The following TULP4 variants were observed in gnomAD, a reference collection of about 807,000 sequenced individuals.
TULP4 encodes TUB like protein 4.
A neutral mutation model predicts 129.0 loss-of-function variants in TULP4; 16 were observed. The ratio of observed to expected loss-of-function variants is 0.12; its 90% confidence interval spans 0.08 to 0.19. The LOEUF is 0.19. TULP4 is among the 10% of genes least tolerant of loss of function. The probability of loss-of-function intolerance (pLI) is 1.00; values close to 1 mark genes in which losing one functional copy is unlikely to be tolerated. For missense variants in TULP4, 1,842 were observed against 2,059.1 expected, an observed-to-expected ratio of 0.89 and a Z score of 2.04; for synonymous variants, 998 against 854.0, an observed-to-expected ratio of 1.17 and a Z score of -2.94.
intron 7 of TULP4, 147 bp from the exon 8 acceptor site, chr6:158,480,908 A>T (rs1279818520): frequency 1.5e-6 from 1 of 648,594 alleles, no homozygotes; most frequent in Non-Finnish European, 2.6e-6. Flanking sequence ...TCTACACCAC[A>T]TAGTTACCCT....
intron 1 of TULP4, among the ~76,000 whole-genome samples, chr6:158,234,535 C>T (rs983849115): frequency 3.8e-4 from 58 of 152,214 alleles, no homozygotes; most frequent in African/African-American, 1.4e-3. Flanking sequence ...CTGTTCTACT[C>T]ATTTGCAACA....
At chr6:158,280,203 T>C (rs971979416), upstream of TULP4, among the ~76,000 whole-genome samples, 1 of 152,224 alleles carries the variant, frequency 6.6e-6, no homozygotes, top group African/African-American at 2.4e-5. Flanking sequence ...GCAAGACCAG[T>C]GTAATATGAA....
intron 1 of TULP4, among the ~76,000 whole-genome samples, chr6:158,337,390 C>G (rs1780069046): frequency 6.6e-6 from 1 of 152,110 alleles, no homozygotes; most frequent in African/African-American, 2.4e-5. Context: ...CTTGGCCTCT[C>G]AAAGTGCTGG....
chr6:158,329,581 G>A (rs1293207061), intron 1 of TULP4, among the ~76,000 whole-genome samples: 1 of 152,112 alleles, frequency 6.6e-6, no homozygotes, highest in Admixed American at 6.5e-5. Context: ...AAGGCAGTAT[G>A]AGTTAATGTT....
intron 3 of TULP4, among the ~76,000 whole-genome samples, chr6:158,432,647 G>T (rs528008267): frequency 1.3e-4 from 20 of 152,302 alleles, no homozygotes; most frequent in Non-Finnish European, 2.5e-4. Context: ...TGGATCATGA[G>T]GTCAGGAGAT....
intron 1 of TULP4, among the ~76,000 whole-genome samples, chr6:158,239,377 T>C (rs1253389959): frequency 3.8e-5 from 2 of 52,096 alleles, no homozygotes; most frequent in African/African-American, 5.9e-5. Context: ...ACCCCCCACC[T>C]CCCTCCCGGA....
At chr6:158,477,908 A>G (rs982964796) in intron 6 of TULP4, among the ~76,000 whole-genome samples, 1 of 152,262 alleles carries the variant, frequency 6.6e-6, no homozygotes, top group African/African-American at 2.4e-5. Context: ...CATAAACACC[A>G]TGGAATACTA....
intron 1 of TULP4, among the ~76,000 whole-genome samples, chr6:158,247,525 A>G (rs1428268169): frequency 1.3e-5 from 2 of 152,210 alleles, no homozygotes; most frequent in South Asian, 2.1e-4. Context: ...TTTTCATCCT[A>G]CTGGATGTTT....
chr6:158,503,456 T>C lies in TULP4; in HGVS notation c.3793T>C (p.Ser1265Pro), dbSNP rs759047000. 1 of 1,613,920 alleles carries C rather than the reference T, an allele frequency of 6.2e-7. No individual in the cohort carries two copies. The highest frequency in any genetic ancestry group is 8.5e-7 in the Non-Finnish European group (1 of 1,179,990). The change falls in exon 13 of 14, where the codon TCC (serine) becomes CCC (proline). Residue 1265 changes from serine (S) to proline (P), a missense_variant. Transcript: ENST00000367097. The surrounding 1 kb of genome is among the most constrained non-coding windows in gnomAD (Gnocchi z 4.3). Reference sequence around the variant, plus strand: ...ACCTGTCGCCTTGCATCCATGGAGTTCCTACAGCGCCTGCCCGCCCATGCA... The same window carrying C: ...ACCTGTCGCCTTGCATCCATGGAGTCCCTACAGCGCCTGCCCGCCCATGCA... Reference protein sequence around the residue: ...LPPVALHPWSSYSACPPMQNP... With the variant: ...LPPVALHPWSPYSACPPMQNP...
At chr6:158,426,907 T>C (rs1391049636) in intron 2 of TULP4, among the ~76,000 whole-genome samples, 1 of 152,218 alleles carries the variant, frequency 6.6e-6, no homozygotes, top group Non-Finnish European at 1.5e-5. Context: ...GAGCAGTGTT[T>C]TGTAGTTCTC....
intron 1 of TULP4, among the ~76,000 whole-genome samples, chr6:158,319,589 T>A (rs1779577664): frequency 6.6e-6 from 1 of 152,086 alleles, no homozygotes; most frequent in Non-Finnish European, 1.5e-5. Context: ...ACAACTGAAT[T>A]AAAAAGGAAA....
chr6:158,476,642 C>T (rs1303107458), intron 6 of TULP4, among the ~76,000 whole-genome samples: 1 of 152,182 alleles, frequency 6.6e-6, no homozygotes, highest in Non-Finnish European at 1.5e-5. Context: ...ATGAACCCCG[C>T]AGATCATTTA....
Position 158,507,056 on chromosome 6 carries a change from G to T in TULP4, c.*362G>T, listed in dbSNP as rs538429838. Reference sequence around the variant, plus strand: ...CTGCTATTCTTTTAGACATAGGGAGGATGCATTATCCTGTATTCTCCTCCA... The same window carrying T: ...CTGCTATTCTTTTAGACATAGGGAGTATGCATTATCCTGTATTCTCCTCCA... On this transcript the variant is annotated 3_prime_UTR_variant, in exon 14 of 14. Coordinates refer to ENST00000367097, the MANE Select transcript of TULP4 (RefSeq NM_020245.5). The T allele has an allele frequency of 2.2e-5, 5 of 225,848 alleles. No homozygotes were observed. The Admixed American group carries it at 2.6e-4, about 12-fold the overall frequency. 14.0% of individuals were successfully genotyped at this position (225,848 alleles called of 1,614,324 possible). A position where few individuals can be genotyped will look rare whatever the true frequency, so the allele number is the denominator to read the frequency against.
At chr6:158,501,639 T>C in intron 12 of TULP4, 39 bp from the exon 13 acceptor site, 1 of 1,576,982 alleles carries the variant, frequency 6.3e-7, no homozygotes, top group Non-Finnish European at 8.7e-7. Flanking sequence ...TTAATGGCAG[T>C]GTTTTTGTAA....
chr6:158,314,132 G>A lies in TULP4; in HGVS notation c.116G>A (p.Arg39His). Reference protein sequence around the residue: ...SEKEKPVCRRRYYEEGWLATG... With the variant: ...SEKEKPVCRRHYYEEGWLATG... ...AAGGAGAAGCCTGTGTGCAGGAGAC[G>A]CTACTATGAGGAAGGCTGGCTGGCC... is the stretch of plus-strand genomic sequence containing the variant. The change falls in exon 1 of 14, where the codon CGC (arginine) becomes CAC (histidine). Residue 39 changes from arginine (R) to histidine (H), a missense_variant. By Grantham distance (29) the Arg-to-His change is conservative. This residue lies in a region of TULP4 where 151 missense variants were observed against 268.7 expected (regional missense o/e 0.56). Coordinates refer to ENST00000367097, the MANE Select transcript of TULP4 (RefSeq NM_020245.5). 3 of 1,614,204 alleles carry A rather than the reference G, an allele frequency of 1.9e-6. No homozygotes were observed. Among genetic ancestry groups the A allele is most frequent in the Non-Finnish European group, 2.5e-6 (3 of 1,180,040 alleles).
At chr6:158,362,897 T>TA (rs938796849) in intron 1 of TULP4, among the ~76,000 whole-genome samples, 1 of 151,420 alleles carries the variant, frequency 6.6e-6, no homozygotes, top group Non-Finnish European at 1.5e-5. Context: ...CCATCTCTAC[T>TA]AAAAAAATAC....
At chr6:158,382,317 G>T (rs1489283782) in intron 1 of TULP4, among the ~76,000 whole-genome samples, 2 of 152,110 alleles carry the variant, frequency 1.3e-5, no homozygotes, top group African/African-American at 4.8e-5. Context: ...TTACCTCCTT[G>T]AGAAGTAGAG....
chr6:158,420,969 C>T (rs944704225), intron 2 of TULP4, among the ~76,000 whole-genome samples: 3 of 152,198 alleles, frequency 2.0e-5, no homozygotes, highest in African/African-American at 7.2e-5. Flanking sequence ...TGACACAGCC[C>T]TCAGGAAGTC....
intron 1 of TULP4, among the ~76,000 whole-genome samples, chr6:158,251,426 A>G (rs1562494761): frequency 1.3e-5 from 2 of 151,904 alleles, no homozygotes; most frequent in Non-Finnish European, 2.9e-5. Context: ...TATAACTAAT[A>G]TTTTTAATAT....
Sources: gnomAD v4.1 joint callset for allele counts (sites outside exome capture counted in the v4.1 genomes callset) on GRCh38, gnomAD v4.1.1 for gene constraint, gnomAD v4.1.1 regional missense constraint, Gnocchi (gnomAD v3.1) non-coding constraint, MANE v1.5 for transcripts, NCBI Gene and HGNC (gene_info 2026-07-23, HGNC 2026-07-21) for gene names.